Variants in SEL1L2 observed in about 807,000 individuals in gnomAD.
SEL1L2 encodes SEL1L2 adaptor subunit of SYVN1 ubiquitin ligase.
A neutral mutation model predicts 98.8 loss-of-function variants in SEL1L2; 89 were observed. The ratio of observed to expected loss-of-function variants is 0.90; its 90% CI spans 0.76 to 1.07. The LOEUF (loss-of-function observed/expected upper bound fraction) is 1.07, where lower values mean the gene tolerates loss of function less well. SEL1L2 is among the 50% of genes least tolerant of loss of function. The pLI, the probability that SEL1L2 is intolerant of heterozygous loss-of-function variation, is 0.00. For synonymous variants in SEL1L2, 262 were observed against 278.5 expected, an observed-to-expected ratio of 0.94 and a Z score of 0.59; for missense variants, 788 against 812.0, an observed-to-expected ratio of 0.97 and a Z score of 0.36.
chr20:13,916,626 C>T (rs370065120), intron 4 of SEL1L2, among the ~76,000 whole-genome samples: 6 of 151,988 alleles, frequency 3.9e-5, no homozygotes, highest in Non-Finnish European at 8.8e-5. Context: ...ACCAACATGG[C>T]GAAACCCTGT....
intron 5 of SEL1L2, among the ~76,000 whole-genome samples, chr20:13,907,735 TTTC>T (rs768876435): frequency 0.056 from 7,062 of 126,080 alleles, 183 homozygotes; most frequent in East Asian, 0.1. Context: ...TCTTTCTTTC[TTTC>T]TTTCTTTCTT....
chr20:13,990,568 A>C lies in SEL1L2; in HGVS notation c.-34T>G, dbSNP rs1199911458. On this transcript the variant is annotated 5_prime_UTR_variant, in exon 1 of 20. Coordinates refer to ENST00000284951, the MANE Select transcript of SEL1L2 (RefSeq NM_025229.2). Reference sequence around the variant, plus strand: ...AAGCAGCTTCTCTTCACTGTAACACAGGCAGAAACTAGGTGATTGGCCCAA... The same window carrying C: ...AAGCAGCTTCTCTTCACTGTAACACCGGCAGAAACTAGGTGATTGGCCCAA... 6.4e-7 allele frequency: 1 copy of C among 1,551,612 alleles called. No homozygotes were observed. Among genetic ancestry groups the C allele is most frequent in the South Asian group, 1.1e-5 (1 of 88,596 alleles).
In SEL1L2 at chr20:13,887,653, T is replaced by G. The variant is rs879202758; in HGVS notation, c.745+116A>C. On this transcript the variant is annotated intron_variant, in intron 8 of 19. Coordinates refer to ENST00000284951, the MANE Select transcript of SEL1L2 (RefSeq NM_025229.2). Reference sequence around the variant, plus strand: ...TTAAAAGAATTGTATTATAACATATTAAAAACGTACACTTTTGATATTTTC... The same window carrying G: ...TTAAAAGAATTGTATTATAACATATGAAAAACGTACACTTTTGATATTTTC... The G allele has an allele frequency of 8.6e-5, 59 of 683,392 alleles. No individual in the cohort carries two copies. The African/African-American group carries it at 9.6e-4, about 11-fold the overall frequency. The allele number at this position is 683,392 out of a possible 1,614,324, so 42.3% of individuals were successfully genotyped here.
intron 1 of SEL1L2, among the ~76,000 whole-genome samples, chr20:13,984,266 C>T (rs1019285972): frequency 2.0e-5 from 3 of 152,182 alleles, no homozygotes; most frequent in Non-Finnish European, 4.4e-5. Flanking sequence ...CCCGCCTTGG[C>T]CTCCCAAAGT....
At chr20:13,849,647 C>T (rs1394132798) in intron 19 of SEL1L2, 43 bp from the exon 20 acceptor site, 1 of 1,601,828 alleles carries the variant, frequency 6.2e-7, no homozygotes, top group Non-Finnish European at 8.5e-7. Flanking sequence ...CCAAGCTTCC[C>T]ACCTCCACTC....
intron 1 of SEL1L2, among the ~76,000 whole-genome samples, chr20:13,963,730 A>C (rs1190168378): frequency 2.0e-5 from 3 of 152,132 alleles, no homozygotes; most frequent in African/African-American, 7.2e-5. Flanking sequence ...ATAAAAAATA[A>C]AAATAAAAAT....
chr20:13,905,526 G>T (rs973245948), intron 5 of SEL1L2, among the ~76,000 whole-genome samples: 4 of 152,026 alleles, frequency 2.6e-5, no homozygotes, highest in Non-Finnish European at 4.4e-5. Flanking sequence ...ATGTTAGCCA[G>T]AATGGTCTCG....
chr20:13,994,722 A>G (rs1387396746), upstream of SEL1L2, among the ~76,000 whole-genome samples: 1 of 152,166 alleles, frequency 6.6e-6, no homozygotes, highest in Non-Finnish European at 1.5e-5. Flanking sequence ...CTTAACATTA[A>G]GCAATTGGTA....
chr20:13,875,941 T>C, intron 12 of SEL1L2, 97 bp downstream of exon 12: 1 of 911,440 alleles, frequency 1.1e-6, no homozygotes, highest in South Asian at 1.4e-5. Context: ...GCCCATTATC[T>C]GGGCTTGGGA....
chr20:13,895,248 G>A (rs1278387095), intron 5 of SEL1L2, among the ~76,000 whole-genome samples: 1 of 152,132 alleles, frequency 6.6e-6, no homozygotes, highest in Non-Finnish European at 1.5e-5. Flanking sequence ...TTTGAGACCA[G>A]CCTGGCCAAC....
chr20:13,987,724 TC>T (rs1336536645), intron 1 of SEL1L2, among the ~76,000 whole-genome samples: 1 of 152,214 alleles, frequency 6.6e-6, no homozygotes, highest in Non-Finnish European at 1.5e-5. Context: ...TGCTTTTATT[TC>T]CCTAATGACC....
chr20:13,975,362 CTGTTTAATAGTA>C (rs2051486541), intron 1 of SEL1L2, among the ~76,000 whole-genome samples: 1 of 152,046 alleles, frequency 6.6e-6, no homozygotes, highest in African/African-American at 2.4e-5. Context: ...TTTCATCTGG[CTGTTTAATAGTA>C]TGCACAAACA....
intron 2 of SEL1L2, among the ~76,000 whole-genome samples, chr20:13,950,843 T>TA (rs2050226816): frequency 6.6e-6 from 1 of 152,032 alleles, no homozygotes; most frequent in Admixed American, 6.6e-5. Context: ...CCTGAACCAA[T>TA]ATAAGTGGAC....
chr20:13,867,842 T>A (rs991984577), intron 14 of SEL1L2, among the ~76,000 whole-genome samples: 1 of 152,142 alleles, frequency 6.6e-6, no homozygotes, highest in Non-Finnish European at 1.5e-5. Context: ...AACAAGGCCA[T>A]CTTAGGCAAC....
chr20:13,903,117 C>CAA (rs11473702), intron 5 of SEL1L2, among the ~76,000 whole-genome samples: 40,922 of 122,706 alleles, frequency 0.33, 7,439 homozygotes, highest in South Asian at 0.43. Context: ...GGCTCTTTCT[C>CAA]AAAAAAAAAA....
intron 1 of SEL1L2, among the ~76,000 whole-genome samples, chr20:13,979,762 G>T (rs1216358019): frequency 6.6e-6 from 1 of 151,946 alleles, no homozygotes; most frequent in African/African-American, 2.4e-5. Context: ...AGTACTAAAA[G>T]AAAATATAGA....
chr20:13,882,309 T>G (rs2046741713), intron 10 of SEL1L2, among the ~76,000 whole-genome samples: 1 of 152,170 alleles, frequency 6.6e-6, no homozygotes, highest in East Asian at 1.9e-4. Context: ...TATGGTATGT[T>G]GCAAGAATGA....
intron 3 of SEL1L2, among the ~76,000 whole-genome samples, chr20:13,919,924 C>CAA (rs10655831): frequency 0.24 from 30,984 of 129,696 alleles, 3,859 homozygotes; most frequent in South Asian, 0.32. Context: ...GACTCCGTCT[C>CAA]AAAAAAAAAA....
chr20:13,865,035 T>C, intron 17 of SEL1L2, 132 bp downstream of exon 17: 1 of 686,014 alleles, frequency 1.5e-6, no homozygotes, highest in East Asian at 2.5e-5. Flanking sequence ...AACATCAGTA[T>C]AGTTTGAAAT....
Sources: gnomAD v4.1 joint callset for allele counts (sites outside exome capture counted in the v4.1 genomes callset) on GRCh38, gnomAD v4.1.1 for gene constraint, MANE v1.5 for transcripts, NCBI Gene and HGNC (gene_info 2026-07-23, HGNC 2026-07-21) for gene names.